Variants in MYSM1 observed in about 807,000 individuals in gnomAD.
The protein encoded by MYSM1 is Myb like, SWIRM and MPN domains 1.
Under a neutral mutation model 116.0 loss-of-function variants are expected in MYSM1, and 51 were observed. The ratio of observed to expected loss-of-function variants is 0.44; its 90% CI spans 0.35 to 0.56. MYSM1 has a LOEUF of 0.56. Ranked by LOEUF, MYSM1 falls within the 20% of genes least tolerant of loss-of-function variation. The pLI, the probability that MYSM1 is intolerant of heterozygous loss-of-function variation, is 0.00. For synonymous variants in MYSM1, 313 were observed against 315.2 expected, an observed-to-expected ratio of 0.99 and a Z score of 0.07; for missense variants, 900 against 974.9, an observed-to-expected ratio of 0.92 and a Z score of 1.02.
At chr1:58,674,037 G>A (rs907840990) in intron 10 of MYSM1, among the ~76,000 whole-genome samples, 1 of 152,128 alleles carries the variant, frequency 6.6e-6, no homozygotes, top group Non-Finnish European at 1.5e-5. Flanking sequence ...ACAAAATTTT[G>A]GGTTTTTTTT....
rs1644322368 is a variant in MYSM1 at position 58,656,623 on chromosome 1, C to T, written c.*3374G>A. 6.6e-6 allele frequency: 1 copy of T among 152,192 alleles called. No individual in the cohort carries two copies. The highest frequency in any genetic ancestry group is 1.5e-5 in the Non-Finnish European group (1 of 68,048). 9.4% of individuals were successfully genotyped at this position (152,192 alleles called of 1,614,324 possible). The stretch of plus-strand genomic sequence containing the variant: ...CGTTAGGTTGGGAAGGAAGTAAGTT[C>T]AAGTCTATAGATCTATAACCGTGGA... On this transcript the variant is annotated 3_prime_UTR_variant, in exon 20 of 20. Transcript: ENST00000472487.
chr1:58,656,001 T>G lies in MYSM1; in HGVS notation c.*3996A>C, dbSNP rs1287952192. On this transcript the variant is annotated 3_prime_UTR_variant, in exon 20 of 20. Transcript: ENST00000472487. ...GATGGCTTCAACTCAGGTGCTCATG[T>G]GTTACATGGCTGTTTTGTGAGCACA... The G allele has an allele frequency of 2.0e-5, 3 of 152,224 alleles. No homozygotes were observed. Among genetic ancestry groups the G allele is most frequent in the Non-Finnish European group, 4.4e-5 (3 of 68,038 alleles). The allele number at this position is 152,224 out of a possible 1,614,324, so 9.4% of individuals were successfully genotyped here. A position where few individuals can be genotyped will look rare whatever the true frequency, so the allele number is the denominator to read the frequency against.
At chr1:58,667,667 C>T (rs6673162) in intron 15 of MYSM1, among the ~76,000 whole-genome samples, 180 bp downstream of exon 15, 54,409 of 147,940 alleles carry the variant, frequency 0.37, 10,068 homozygotes, top group Non-Finnish European at 0.41. Flanking sequence ...AAGAAACAGG[C>T]GCTAGGCATA....
chr1:58,667,435 G>A lies in MYSM1; in HGVS notation c.1843-209C>T, dbSNP rs182577210. On this transcript the variant is annotated intron_variant, in intron 15 of 19. Coordinates refer to ENST00000472487, the MANE Select transcript of MYSM1 (RefSeq NM_001085487.3). ...AGCATGCATTTTTCTACTCAAACAA[G>A]GTCATAATAATGGTTAGTTTTCCAG... Among the ~76,000 whole-genome samples, 586 of 152,152 alleles carry A rather than the reference G, an allele frequency of 3.9e-3. 1 individual carries two copies. The highest frequency in any genetic ancestry group is 0.012 in the African/African-American group (514 of 41,488).
intron 17 of MYSM1, among the ~76,000 whole-genome samples, chr1:58,664,872 A>G (rs1339451752): frequency 6.6e-6 from 1 of 152,214 alleles, no homozygotes; most frequent in Non-Finnish European, 1.5e-5. Context: ...AGAGTTATTT[A>G]GCCTACTGTT....
Position 58,661,164 on chromosome 1 carries a change from GCTTA to G in MYSM1, c.2328+2_2328+5del. ...AATGGAACCAATTAAAATGAAGACA[GCTTA>G]CTTTCTGCAAACAAGTCAGGTCAGA... On this transcript the variant is annotated splice_donor_variant and splice_donor_5th_base_variant and intron_variant, in intron 19 of 19. Transcript: ENST00000472487. LOFTEE classifies it high-confidence loss of function. The G allele has an allele frequency of 6.2e-7, 1 of 1,608,480 alleles. No homozygotes were observed. The highest frequency in any genetic ancestry group is 8.5e-7 in the Non-Finnish European group (1 of 1,175,148).
intron 16 of MYSM1, among the ~76,000 whole-genome samples, 157 bp downstream of exon 16, chr1:58,666,881 A>AAT (rs200786208): frequency 0.26 from 39,758 of 150,636 alleles, 5,989 homozygotes; most frequent in African/African-American, 0.4. Flanking sequence ...TCTCAAAAAA[A>AAT]AAATAATAAT....
intron 9 of MYSM1, 50 bp downstream of exon 9, chr1:58,676,876 T>G: frequency 6.3e-7 from 1 of 1,588,454 alleles, no homozygotes; most frequent in Admixed American, 1.7e-5. Flanking sequence ...ATAAGTGCTG[T>G]AAGGATAAAA....
At chr1:58,669,854 A>AC (rs1569725848) in intron 12 of MYSM1, among the ~76,000 whole-genome samples, 3 of 148,922 alleles carry the variant, frequency 2.0e-5, no homozygotes, top group Non-Finnish European at 3.0e-5. Flanking sequence ...AAAAAAAAAA[A>AC]AAAAAAAACA....
In MYSM1 at chr1:58,684,152, G is replaced by A. The variant is rs75024739; in HGVS notation, c.498+1001C>T. On this transcript the variant is annotated intron_variant, in intron 7 of 19. Transcript: ENST00000472487. ...TTACCACCTATGTCTAGACAACACC[G>A]AAACAAATCTTACCTACAGGGTAGA... Among the ~76,000 whole-genome samples, 1,186 of 152,074 alleles carry A rather than the reference G, an allele frequency of 7.8e-3. 6 individuals are homozygous for A. The highest frequency in any genetic ancestry group is 0.02 in the East Asian group (101 of 5,168).
At position 58,695,166 on chromosome 1, in the gene MYSM1, T is replaced by C. The variant is rs767901127; in HGVS notation, c.110A>G (p.Tyr37Cys). Residue 37 changes from tyrosine (Y) to cysteine (C), a missense_variant, in exon 2 of 20, where the codon TAT becomes TGT. Transcript: ENST00000472487. ...NTASVLQKDH[Y>C]LDSSWRTENG... ...CTCTGTTCTCCAAGATGAATCAAGA[T>C]AGTGATCTTTTTGTAAAACTGATGC... is the stretch of plus-strand genomic sequence containing the variant. 4 of 1,605,764 alleles carry C rather than the reference T, an allele frequency of 2.5e-6. No homozygotes were observed. The highest frequency in any genetic ancestry group is 3.4e-6 in the Non-Finnish European group (4 of 1,172,980).
At chr1:58,684,101 G>A (rs1557520385) in intron 7 of MYSM1, among the ~76,000 whole-genome samples, 1 of 152,020 alleles carries the variant, frequency 6.6e-6, no homozygotes, top group Non-Finnish European at 1.5e-5. Context: ...GCATACAATC[G>A]ATGTATGATG....
Position 58,661,419 on chromosome 1 carries a change from T to C in MYSM1, c.2257A>G (p.Arg753Gly), listed in dbSNP as rs747337904. ...CACAGTACATACCTATGGGAGAGCCTGTATTTTTCTATTATCCATCTTGTC... is the reference window on the plus strand; with the variant it reads ...CACAGTACATACCTATGGGAGAGCCCGTATTTTTCTATTATCCATCTTGTC... ...EKTRWIIEKY[R>G]LSHSSVPMDK... is the part of the protein sequence containing the mutation. The change falls in exon 18 of 20, where the codon AGG becomes GGG. Residue 753 changes from arginine to glycine, a missense_variant. By Grantham distance (125) the Arg-to-Gly change is moderately radical (BLOSUM62 -2). Transcript: ENST00000472487. 2 of 1,574,724 alleles carry C rather than the reference T, an allele frequency of 1.3e-6. No homozygotes were observed. Among genetic ancestry groups the C allele is most frequent in the Non-Finnish European group, 1.7e-6 (2 of 1,144,858 alleles).
At chr1:58,695,100 T>A (rs1644955732) in intron 2 of MYSM1, 29 bp downstream of exon 2, 4 of 1,415,062 alleles carry the variant, frequency 2.8e-6, no homozygotes, top group Admixed American at 1.7e-5. Flanking sequence ...AACAGCTTAA[T>A]GCACCTGATA....
chr1:58,667,821 A>C (rs1557507763), intron 15 of MYSM1, 26 bp downstream of exon 15: 1 of 1,435,264 alleles, frequency 7.0e-7, no homozygotes, highest in East Asian at 2.3e-5. Context: ...AATAACTAAA[A>C]CATTTTTTTA....
intron 6 of MYSM1, among the ~76,000 whole-genome samples, chr1:58,686,351 T>A (rs1201777241): frequency 6.6e-6 from 1 of 152,160 alleles, no homozygotes; most frequent in East Asian, 1.9e-4. Flanking sequence ...CTCTGCAATA[T>A]CCCCAACATA....
chr1:58,671,983 A>G (rs1274306836), intron 11 of MYSM1, 25 bp from the exon 12 acceptor site: 4 of 1,578,706 alleles, frequency 2.5e-6, no homozygotes, highest in Non-Finnish European at 3.5e-6. Flanking sequence ...CAATTGATTA[A>G]GGAGTCCATC....
In MYSM1 at chr1:58,655,629, C is replaced by A. The variant is rs1314532420; in HGVS notation, c.*4368G>T. On this transcript the variant is annotated 3_prime_UTR_variant, in exon 20 of 20. Coordinates refer to ENST00000472487, the MANE Select transcript of MYSM1 (RefSeq NM_001085487.3). Reference sequence around the variant, plus strand: ...GAAAGCAGAATTTGGGGGAATAGCACATGAAGCCATTTAAGAAAAGGTCAG... The same window carrying A: ...GAAAGCAGAATTTGGGGGAATAGCAAATGAAGCCATTTAAGAAAAGGTCAG... 2 of 152,044 alleles carry A rather than the reference C, an allele frequency of 1.3e-5. No homozygotes were observed. Among genetic ancestry groups the A allele is most frequent in the East Asian group, 3.9e-4 (2 of 5,194 alleles). 9.4% of individuals were successfully genotyped at this position (152,044 alleles called of 1,614,324 possible).
chr1:58,679,004 T>C (rs1052148464), intron 8 of MYSM1, among the ~76,000 whole-genome samples: 5 of 152,194 alleles, frequency 3.3e-5, no homozygotes, highest in African/African-American at 1.2e-4. Flanking sequence ...TTGGAGATGA[T>C]TTAAGTACAG....
Sources: allele counts gnomAD v4.1 joint callset (sites outside exome capture counted in the v4.1 genomes callset), GRCh38; gene constraint gnomAD v4.1.1; transcripts MANE v1.5; gene names NCBI Gene and HGNC (gene_info 2026-07-23, HGNC 2026-07-21).